SFI1: variants seen among roughly 807,000 people sequenced by gnomAD.
SFI1 encodes the protein protein SFI1 homolog.
In SFI1, 195 loss-of-function variants were observed where a neutral mutation model predicts 207.5. The ratio of observed to expected loss-of-function variants is 0.94; its 90% CI spans 0.84 to 1.06. The LOEUF (loss-of-function observed/expected upper bound fraction) is 1.06, where lower values mean the gene tolerates loss of function less well. Ranked by LOEUF, SFI1 falls within the 50% of genes least tolerant of loss-of-function variation. The pLI, the probability that SFI1 is intolerant of heterozygous loss-of-function variation, is 0.00. For missense variants in SFI1, 1,634 were observed against 1,588.0 expected, an observed-to-expected ratio of 1.03 and a Z score of -0.49; for synonymous variants, 630 against 598.9, an observed-to-expected ratio of 1.05 and a Z score of -0.76.
At chr22:31,556,219 T>C (rs1418259330) in intron 6 of SFI1, among the ~76,000 whole-genome samples, 2 of 151,576 alleles carry the variant, frequency 1.3e-5, no homozygotes, top group African/African-American at 4.8e-5. Context: ...AAATTTTTTT[T>C]TCTTTTCTTT....
At chr22:31,502,644 G>A (rs1027071905) in intron 1 of SFI1, among the ~76,000 whole-genome samples, 3 of 152,140 alleles carry the variant, frequency 2.0e-5, no homozygotes, top group Non-Finnish European at 4.4e-5. Context: ...GAAGTCGTGG[G>A]ATTACAGGCG....
intron 15 of SFI1, among the ~76,000 whole-genome samples, chr22:31,593,495 G>GCTCCT (rs2066488188): frequency 7.4e-6 from 1 of 135,208 alleles, no homozygotes; most frequent in African/African-American, 2.8e-5. Flanking sequence ...GGGTGGAGAC[G>GCTCCT]CTCCTCACTT....
intron 10 of SFI1, among the ~76,000 whole-genome samples, chr22:31,576,024 A>G (rs2063443597): frequency 6.6e-6 from 1 of 150,888 alleles, no homozygotes; most frequent in African/African-American, 2.4e-5. Context: ...CTGTGTACAT[A>G]TTCTTTTTTT....
At chr22:31,580,106 T>A (rs750992158) in intron 11 of SFI1, 166 bp from the exon 12 acceptor site, 1 of 582,500 alleles carries the variant, frequency 1.7e-6, no homozygotes, top group Non-Finnish European at 3.1e-6. Flanking sequence ...AGGCTCCCAG[T>A]TGAATCTCAA....
Position 31,613,361 on chromosome 22 carries a change from C to A in SFI1, c.2573C>A (p.Ala858Asp). 1 of 1,607,750 alleles carries A rather than the reference C, an allele frequency of 6.2e-7. No homozygotes were observed. Among genetic ancestry groups the A allele is most frequent in the Non-Finnish European group, 8.5e-7 (1 of 1,176,574 alleles). Reference protein sequence around the residue: ...WAFSLQAKVWATWLAFVLERR... With the variant: ...WAFSLQAKVWDTWLAFVLERR... ...CTCCTGCCCTCCCTGGAGGTGTGGGCCACGTGGCTGGCCTTTGTACTGGAA... is the reference window on the plus strand; with the variant it reads ...CTCCTGCCCTCCCTGGAGGTGTGGGACACGTGGCTGGCCTTTGTACTGGAA... The change falls in exon 26 of 33, where the codon GCC (alanine) becomes GAC (aspartate). Residue 858 changes from alanine (A) to aspartate (D), a missense_variant. Physicochemically the swap from Ala to Asp is moderately radical, Grantham distance 126 (BLOSUM62 -2). Transcript: ENST00000400288.
At chr22:31,502,533 C>G (rs2053962988) in intron 1 of SFI1, among the ~76,000 whole-genome samples, 1 of 152,002 alleles carries the variant, frequency 6.6e-6, no homozygotes, top group African/African-American at 2.4e-5. Context: ...GCCACCATGC[C>G]CGGCTAATTT....
chr22:31,515,799 G>A (rs2056412721), intron 2 of SFI1, among the ~76,000 whole-genome samples: 1 of 147,784 alleles, frequency 6.8e-6, no homozygotes, highest in South Asian at 2.1e-4. Context: ...GTGCAGTGGC[G>A]TGATCTCGGC....
In SFI1 at chr22:31,614,998, C is replaced by T. The variant is rs374558140; in HGVS notation, c.3069-50C>T. 5 of 1,590,882 alleles carry T rather than the reference C, an allele frequency of 3.1e-6. No homozygotes were observed. The African/African-American group carries it at 5.4e-5, about 17-fold the overall frequency. ...CCCTTTCCTTCTTGTTCTTTGGTCC[C>T]AGAGGAGGGTCCTGTGGCCTGACCA... On this transcript the variant is annotated intron_variant, in intron 28 of 32. Coordinates refer to ENST00000400288, the MANE Select transcript of SFI1 (RefSeq NM_001007467.3).
chr22:31,573,055 C>T lies in SFI1; in HGVS notation c.766-3C>T, dbSNP rs1189177785. 3 of 1,612,394 alleles carry T rather than the reference C, an allele frequency of 1.9e-6. No individual in the cohort carries two copies. The highest frequency in any genetic ancestry group is 1.7e-6 in the Non-Finnish European group (2 of 1,179,076). On this transcript the variant is annotated splice_polypyrimidine_tract_variant and splice_region_variant and intron_variant, in intron 8 of 32. Transcript: ENST00000400288. ...TGACTGTTGCCTCTTCTCTGGTTTT[C>T]AGGCTTGGTCACAGTGGCGGGAACA...
At chr22:31,503,902 G>A (rs1290260324) in intron 1 of SFI1, among the ~76,000 whole-genome samples, 1 of 142,400 alleles carries the variant, frequency 7.0e-6, no homozygotes, top group Admixed American at 7.2e-5. Flanking sequence ...TTTTGTATTT[G>A]ATTATCATTA....
At chr22:31,583,120 T>C (rs2064568022) in intron 12 of SFI1, among the ~76,000 whole-genome samples, 1 of 152,130 alleles carries the variant, frequency 6.6e-6, no homozygotes, top group African/African-American at 2.4e-5. Flanking sequence ...TGTTTGTTTG[T>C]TTGTTTGTTT....
Position 31,606,443 on chromosome 22 carries a change from G to A in SFI1, c.2157+13G>A, listed in dbSNP as rs537421167. The A allele has an allele frequency of 2.2e-5, 35 of 1,609,564 alleles. No homozygotes were observed. In the African/African-American group the frequency reaches 3.7e-4, roughly 17 times the overall value. The stretch of plus-strand genomic sequence containing the variant: ...CATATGTTCCAAGGTGAGGTATAAG[G>A]AGGCAAGCTGGTCACCCAGGAGAGT... On this transcript the variant is annotated intron_variant, in intron 21 of 32. Transcript: ENST00000400288.
Position 31,604,172 on chromosome 22 carries a change from AG to A in SFI1, c.1882-136del, listed in dbSNP as rs1407323781. On this transcript the variant is annotated intron_variant, in intron 18 of 32. Transcript: ENST00000400288. The stretch of plus-strand genomic sequence containing the variant: ...TCATCAAATCATCACAGAACCCCTA[AG>A]AAGCACGTATTTATAGATGAGGCCA... The A allele has an allele frequency of 7.4e-6, 5 of 678,176 alleles. No homozygotes were observed. The Admixed American group carries it at 1.1e-4, about 14-fold the overall frequency. 42.0% of individuals were successfully genotyped at this position (678,176 alleles called of 1,614,324 possible).
At position 31,583,885 on chromosome 22, in the gene SFI1, G is replaced by T. The variant is rs1432750886; in HGVS notation, c.1259G>T (p.Arg420Met). Residue 420 changes from arginine (R) to methionine (M), a missense_variant, in exon 13 of 33, where the codon AGG becomes ATG. Coordinates refer to ENST00000400288, the MANE Select transcript of SFI1 (RefSeq NM_001007467.3). ...HQQHGVTLLH[R>M]FWNLWRSQIE... The stretch of plus-strand genomic sequence containing the variant: ...CCTCCCTTGCTTTAGCTGCTGCACA[G>T]GTTCTGGAACCTCTGGCGGTCTCAG... 6.2e-7 allele frequency: 1 copy of T among 1,613,922 alleles called. No homozygotes were observed. Among genetic ancestry groups the T allele is most frequent in the African/African-American group, 1.3e-5 (1 of 74,892 alleles).
chr22:31,561,221 C>T, intron 7 of SFI1, 69 bp from the exon 8 acceptor site: 1 of 1,390,974 alleles, frequency 7.2e-7, no homozygotes, highest in South Asian at 1.3e-5. Context: ...AGGCCCCACA[C>T]TAACTGCTCC....
intron 14 of SFI1, 95 bp downstream of exon 14, chr22:31,585,229 T>G (rs1324031071): frequency 1.9e-6 from 2 of 1,041,084 alleles, no homozygotes; most frequent in African/African-American, 1.6e-5. Flanking sequence ...TGCCAAGAAG[T>G]CTTATCGTTC....
chr22:31,615,236 C>G lies in SFI1; in HGVS notation c.3257C>G (p.Pro1086Arg), dbSNP rs980232686. Residue 1086 changes from proline (P) to arginine (R), a missense_variant, in exon 29 of 33, where the codon CCT becomes CGT. Transcript: ENST00000400288. ...ACAGGCCCGGAGCTGCTGCTGCTGC[C>G]TCTTTCCTCCTTCATGCCCTGCGGG... ...ASTGPELLLL[P>R]LSSFMPCGAA... 1 of 1,534,768 alleles carries G rather than the reference C, an allele frequency of 6.5e-7. No individual in the cohort carries two copies. Among genetic ancestry groups the G allele is most frequent in the Admixed American group, 2.1e-5 (1 of 47,014 alleles).
intron 1 of SFI1, among the ~76,000 whole-genome samples, chr22:31,499,637 C>T (rs985386091): frequency 6.6e-6 from 1 of 152,060 alleles, no homozygotes; most frequent in African/African-American, 2.4e-5. Context: ...GGGTAAAATG[C>T]TATTAAATAG....
intron 27 of SFI1, chr22:31,614,419 G>GTA: frequency 6.3e-5 from 26 of 410,444 alleles, no homozygotes; most frequent in Admixed American, 2.4e-4. Context: ...GATGTCAGGT[G>GTA]GGTGCATGGG....
Sources: gnomAD v4.1 joint callset for allele counts (sites outside exome capture counted in the v4.1 genomes callset) on GRCh38, gnomAD v4.1.1 for gene constraint, MANE v1.5 for transcripts, NCBI Gene and HGNC (gene_info 2026-07-23, HGNC 2026-07-21) for gene names.